The following COL12A1 variants were observed in gnomAD, a reference collection of about 807,000 sequenced individuals.
The protein encoded by COL12A1 is collagen type XII alpha 1 chain, also known as collagen alpha-1(XII) chain.
A neutral mutation model predicts 349.7 loss-of-function variants in COL12A1; 114 were observed. The ratio of observed to expected loss-of-function variants is 0.33; its 90% CI spans 0.28 to 0.38. COL12A1 has a LOEUF of 0.38. COL12A1 is among the 10% of genes least tolerant of loss of function. The pLI is 1.00. For synonymous variants in COL12A1, 1,369 were observed against 1,329.0 expected (o/e 1.03, Z -0.66); for missense variants, 3,284 against 3,756.9 (o/e 0.87, Z 3.29).
At chr6:75,186,618 G>A (rs1008419971) in intron 8 of COL12A1, among the ~76,000 whole-genome samples, 1 of 152,076 alleles carries the variant, frequency 6.6e-6, no homozygotes, top group Non-Finnish European at 1.5e-5. Context: ...CCATTACTGG[G>A]TATATACCCA....
Position 75,131,978 on chromosome 6 carries a change from CA to C in COL12A1, c.5898del (p.Val1967CysfsTer14). The stretch of plus-strand genomic sequence containing the variant: ...CTTGTGCCATCCACAGGAGAATACA[CA>C]ACGCGATATTGCAGCACAGGTCCTG... The part of the protein sequence containing the change: ...PAPGPVLQYR[V>X]VYSPVDGTRP... On this transcript the variant is annotated frameshift_variant, in exon 35 of 66. Transcript: ENST00000322507. LOFTEE classifies it high-confidence loss of function. 1 of 1,614,146 alleles carries C rather than the reference CA, an allele frequency of 6.2e-7. No homozygotes were observed. Among genetic ancestry groups the C allele is most frequent in the East Asian group, 2.2e-5 (1 of 44,880 alleles).
chr6:75,138,214 G>C, intron 30 of COL12A1, 106 bp downstream of exon 30: 1 of 1,182,842 alleles, frequency 8.5e-7, no homozygotes, highest in Non-Finnish European at 1.2e-6. Flanking sequence ...AACATCTTAG[G>C]ATTTAAAAGC....
In COL12A1 at chr6:75,160,315, A is replaced by G. The variant is rs117803500; in HGVS notation, c.2984-3792T>C. Among the ~76,000 whole-genome samples the G allele has an allele frequency of 7.9e-3, 1,209 of 152,224 alleles. 47 individuals carry two copies. In the East Asian group the frequency reaches 0.13, roughly 16 times the overall value. On this transcript the variant is annotated intron_variant, in intron 14 of 65. Transcript: ENST00000322507. Reference sequence around the variant, plus strand: ...CCAATTCATGATTTTCATTGTATCAATGTATTCGTTTCATTGTATCAACAG... The same window carrying G: ...CCAATTCATGATTTTCATTGTATCAGTGTATTCGTTTCATTGTATCAACAG...
At chr6:75,163,596 G>A (rs761929534) in intron 14 of COL12A1, among the ~76,000 whole-genome samples, 3 of 152,088 alleles carry the variant, frequency 2.0e-5, no homozygotes, top group Admixed American at 2.0e-4. Flanking sequence ...AACCACCATG[G>A]CACGTGTATA....
intron 12 of COL12A1, among the ~76,000 whole-genome samples, chr6:75,175,928 C>T (rs1768916158): frequency 6.6e-6 from 1 of 152,318 alleles, no homozygotes; most frequent in Admixed American, 6.5e-5. Flanking sequence ...TGGTCATGTC[C>T]TCTTTGAAGG....
At chr6:75,108,005 A>T (rs1034288393) in intron 52 of COL12A1, among the ~76,000 whole-genome samples, 10 of 152,356 alleles carry the variant, frequency 6.6e-5, no homozygotes, top group Middle Eastern at 3.4e-3. Flanking sequence ...AGCCATTTTT[A>T]AAATAATAAC....
rs1582024125 is a variant in COL12A1 at position 75,086,651 on chromosome 6, T to C, written c.9182-94A>G. The C allele has an allele frequency of 1.6e-4, 10 of 62,576 alleles. No homozygotes were observed. The East Asian group carries it at 4.9e-3, about 31-fold the overall frequency. The allele number at this position is 62,576 out of a possible 1,614,324, so 3.9% of individuals were successfully genotyped here. ...ATCTACGTATGTAATGGTTAAAGTA[T>C]ATATATATATATATATATATATCCA... On this transcript the variant is annotated intron_variant, in intron 65 of 65. Transcript: ENST00000322507.
rs370837283 is a variant in COL12A1 at position 75,097,166 on chromosome 6, G to A, written c.8577+87C>T. 9.5e-6 allele frequency: 10 copies of A among 1,048,980 alleles called. No homozygotes were observed. The East Asian group carries it at 1.7e-4, about 18-fold the overall frequency. The allele number at this position is 1,048,980 out of a possible 1,614,324, so 65.0% of individuals were successfully genotyped here. On this transcript the variant is annotated intron_variant, in intron 59 of 65. Coordinates refer to ENST00000322507, the MANE Select transcript of COL12A1 (RefSeq NM_004370.6). ...AATGATATACTCCACAGCACAGATG[G>A]AATGTGCTTCAAAGGCAGGTTACTA...
intron 25 of COL12A1, among the ~76,000 whole-genome samples, chr6:75,144,772 T>G (rs530157497): frequency 7.9e-5 from 12 of 152,358 alleles, no homozygotes; most frequent in African/African-American, 2.6e-4. Flanking sequence ...TCCCAACATC[T>G]AGCCCAGTGA....
intron 17 of COL12A1, among the ~76,000 whole-genome samples, chr6:75,152,763 G>A (rs1767558851): frequency 6.6e-6 from 1 of 152,086 alleles, no homozygotes; most frequent in Admixed American, 6.6e-5. Context: ...AGAACCTGGA[G>A]ACTTGAATTA....
chr6:75,102,727 A>T (rs56333731), intron 55 of COL12A1, 35 bp from the exon 56 acceptor site: 1 of 1,362,996 alleles, frequency 7.3e-7, no homozygotes, highest in Non-Finnish European at 9.8e-7. Flanking sequence ...CCACAAAGTA[A>T]TGTAATACCT....
chr6:75,170,724 A>G (rs370471230), intron 13 of COL12A1, among the ~76,000 whole-genome samples: 1 of 152,222 alleles, frequency 6.6e-6, no homozygotes, highest in African/African-American at 2.4e-5. Context: ...CCCAGAATGT[A>G]TGATTTTTCA....
intron 5 of COL12A1, among the ~76,000 whole-genome samples, chr6:75,190,391 C>T (rs1769867414): frequency 6.6e-6 from 1 of 151,754 alleles, no homozygotes; most frequent in South Asian, 2.1e-4. Flanking sequence ...CTAAGGGAGC[C>T]TGATAGAAGT....
intron 3 of COL12A1, among the ~76,000 whole-genome samples, chr6:75,193,544 G>A (rs187007312): frequency 6.6e-6 from 1 of 152,164 alleles, no homozygotes; most frequent in Non-Finnish European, 1.5e-5. Context: ...TTTAGCCAAT[G>A]TTAGTGGAAG....
chr6:75,136,905 TG>T (rs1234775318), intron 31 of COL12A1, among the ~76,000 whole-genome samples: 2 of 152,106 alleles, frequency 1.3e-5, no homozygotes, highest in African/African-American at 4.8e-5. Flanking sequence ...CCATCTTTCT[TG>T]GGGACCTCCA....
chr6:75,088,243 A>G (rs569670053), intron 64 of COL12A1, among the ~76,000 whole-genome samples: 1 of 152,342 alleles, frequency 6.6e-6, no homozygotes, highest in South Asian at 2.1e-4. Context: ...CTTATAATGA[A>G]AAAAGAAATC....
rs957275628 is a variant in COL12A1 at position 75,113,749 on chromosome 6, T to C, written c.7698-5A>G. ...AGTCCATTTGGGTGTAGGTCTCTGTTGGATAAAACAAAAGAAAGAAAAAGG... is the reference window on the plus strand; with the variant it reads ...AGTCCATTTGGGTGTAGGTCTCTGTCGGATAAAACAAAAGAAAGAAAAAGG... On this transcript the variant is annotated splice_region_variant and splice_polypyrimidine_tract_variant and intron_variant, in intron 49 of 65. Coordinates refer to ENST00000322507, the MANE Select transcript of COL12A1 (RefSeq NM_004370.6). The C allele has an allele frequency of 2.6e-6, 4 of 1,548,168 alleles. No individual in the cohort carries two copies. In the African/African-American group the frequency reaches 4.3e-5, roughly 16 times the overall value.
At position 75,181,062 on chromosome 6, in the gene COL12A1, C is replaced by T. The variant is rs1216082575; in HGVS notation, c.2041G>A (p.Ala681Thr). The change falls in exon 11 of 66, where the codon GCA becomes ACA. Residue 681 changes from alanine to threonine, a missense_variant. Physicochemically the swap from Ala to Thr is moderately conservative, Grantham distance 58. Coordinates refer to ENST00000322507, the MANE Select transcript of COL12A1 (RefSeq NM_004370.6). The part of the protein sequence containing the change: ...GDDEVTVVEP[A>T]SSTSVVLSSL... Reference sequence around the variant, plus strand: ...CTGAGAACAACACTGGTGCTCGATGCTGGCTCCACCACAGTGACCTCATCA... The same window carrying T: ...CTGAGAACAACACTGGTGCTCGATGTTGGCTCCACCACAGTGACCTCATCA... The T allele has an allele frequency of 1.9e-6, 3 of 1,614,084 alleles. No individual in the cohort carries two copies. The highest frequency in any genetic ancestry group is 1.7e-6 in the Non-Finnish European group (2 of 1,180,000).
Position 75,134,855 on chromosome 6 carries a change from T to A in COL12A1, c.5395A>T (p.Thr1799Ser). 6.2e-7 allele frequency: 1 copy of A among 1,609,242 alleles called. No individual in the cohort carries two copies. Among genetic ancestry groups the A allele is most frequent in the Non-Finnish European group, 8.5e-7 (1 of 1,176,772 alleles). Residue 1799 changes from threonine to serine, a missense_variant and splice_region_variant, in exon 32 of 66, where the codon ACC becomes TCC. Thr to Ser is a moderately conservative substitution (Grantham distance 58). Around this residue, in one of 2 missense-constraint regions of COL12A1, gnomAD observed 2,601 missense variants for 2,824.8 expected, o/e 0.92. Coordinates refer to ENST00000322507, the MANE Select transcript of COL12A1 (RefSeq NM_004370.6). Reference sequence around the variant, plus strand: ...CTGTTCTGCCGTCCTCCTATTGTGGTCTTGAGTAAAAAGGGTCTTGGTAAG... The same window carrying A: ...CTGTTCTGCCGTCCTCCTATTGTGGACTTGAGTAAAAAGGGTCTTGGTAAG... ...PSTGEGNEQTTTIGGRQNSVV... is the reference protein window; with the variant it reads ...PSTGEGNEQTSTIGGRQNSVV...
Sources: allele counts gnomAD v4.1 joint callset (sites outside exome capture counted in the v4.1 genomes callset), GRCh38; gene constraint gnomAD v4.1.1; regional missense constraint gnomAD v4.1.1; transcripts MANE v1.5; gene names NCBI Gene and HGNC (gene_info 2026-07-23, HGNC 2026-07-21).